EML5: variants seen among roughly 807,000 people sequenced by gnomAD.
EML5 encodes echinoderm microtubule-associated protein-like 5.
A neutral mutation model predicts 250.0 loss-of-function variants in EML5; 120 were observed. The observed-to-expected ratio is 0.48, with a 90% CI of 0.41 to 0.56. EML5 has a LOEUF of 0.56. EML5 is among the 20% of genes least tolerant of loss of function. EML5 has a pLI of 0.00. For synonymous variants in EML5, 771 were observed against 806.5 expected (o/e 0.96, Z 0.75); for missense variants, 2,006 against 2,437.6 (o/e 0.82, Z 3.73).
chr14:88,679,014 A>ATCCTTGGTGC (rs2092659708), intron 21 of EML5, among the ~76,000 whole-genome samples: 4 of 151,766 alleles, frequency 2.6e-5, no homozygotes, highest in Admixed American at 2.0e-4. Flanking sequence ...GGTTGTAGCA[A>ATCCTTGGTGC]TCCTTGGTGC....
At chr14:88,627,173 C>G (rs2090040577) in intron 34 of EML5, 127 bp from the exon 35 acceptor site, 1 of 825,984 alleles carries the variant, frequency 1.2e-6, no homozygotes, top group Middle Eastern at 2.9e-4. Flanking sequence ...GGCCCCTGCT[C>G]TACTACCTAG....
At chr14:88,694,476 C>G (rs983108393) in intron 16 of EML5, 69 bp from the exon 17 acceptor site, 2 of 1,061,476 alleles carry the variant, frequency 1.9e-6, no homozygotes, top group African/African-American at 3.2e-5. Flanking sequence ...TTGCCTAATC[C>G]ATACCCTATC....
intron 9 of EML5, among the ~76,000 whole-genome samples, chr14:88,713,795 T>A (rs751482019): frequency 2.6e-5 from 4 of 151,324 alleles, no homozygotes; most frequent in Non-Finnish European, 5.9e-5. Flanking sequence ...AATTCTGTTT[T>A]TCAAAGTTAG....
chr14:88,618,451 G>A (rs931449331), intron 40 of EML5, 120 bp from the exon 41 acceptor site: 3 of 1,099,880 alleles, frequency 2.7e-6, no homozygotes, highest in Non-Finnish European at 3.9e-6. Context: ...TATTAAGTAT[G>A]CAAAAGATCA....
intron 1 of EML5, among the ~76,000 whole-genome samples, chr14:88,786,378 G>T (rs1212732955): frequency 6.6e-6 from 1 of 152,016 alleles, no homozygotes; most frequent in Non-Finnish European, 1.5e-5. Flanking sequence ...GCTCCATAAG[G>T]GTGGGCAATT....
chr14:88,661,584 C>T (rs1270438689), intron 25 of EML5, 70 bp downstream of exon 25: 7 of 1,349,506 alleles, frequency 5.2e-6, no homozygotes, highest in Admixed American at 4.5e-5. Flanking sequence ...CAATGAAGTG[C>T]TATGACAGGA....
chr14:88,728,902 C>T (rs888903365), intron 7 of EML5, among the ~76,000 whole-genome samples: 1 of 151,908 alleles, frequency 6.6e-6, no homozygotes, highest in Non-Finnish European at 1.5e-5. Context: ...GCATCTACCC[C>T]CAAGACATTA....
chr14:88,731,132 CA>C (rs2093750125), intron 7 of EML5, among the ~76,000 whole-genome samples: 1 of 152,096 alleles, frequency 6.6e-6, no homozygotes, highest in South Asian at 2.1e-4. Context: ...AGGTTTGTCA[CA>C]TATGTATACA....
At position 88,638,848 on chromosome 14, in the gene EML5, G is replaced by A. The variant is rs760109371; in HGVS notation, c.4297C>T (p.His1433Tyr). 106 of 1,598,178 alleles carry A rather than the reference G, an allele frequency of 6.6e-5. No individual in the cohort carries two copies. Among genetic ancestry groups the A allele is most frequent in the Non-Finnish European group, 8.5e-5 (100 of 1,171,956 alleles). Residue 1433 changes from histidine (H) to tyrosine (Y), a missense_variant, in exon 32 of 44, where the codon CAC becomes TAC. By Grantham distance (83) the His-to-Tyr change is moderately conservative. Coordinates refer to ENST00000554922, the MANE Select transcript of EML5 (RefSeq NM_183387.3). Reference protein sequence around the residue: ...DDILCLTVNQHPKFINIVATG... With the variant: ...DDILCLTVNQYPKFINIVATG... ...GCCACTATGTTGATAAATTTGGGGT[G>A]CTGGTTTACTGTGAGGCACAGAATA...
At position 88,620,786 on chromosome 14, in the gene EML5, C is replaced by T; in HGVS notation, c.5343G>A (p.Lys1781=). Reference sequence around the variant, plus strand: ...CATGGATTGCACATCTCCTGTCTCTCTTCTTTCCCCATATTTTTAGAGAAC... The same window carrying T: ...CATGGATTGCACATCTCCTGTCTCTTTTCTTTCCCCATATTTTTAGAGAAC... ...LVSSLKIWGK[K]RDRRCAIHDI... Residue 1781 remains lysine (K), a synonymous_variant, in exon 39 of 44, where the codon AAG becomes AAA. Coordinates refer to ENST00000554922, the MANE Select transcript of EML5 (RefSeq NM_183387.3). The surrounding 1 kb of genome is among the most constrained non-coding windows in gnomAD (Gnocchi z 4.3). 6.2e-7 allele frequency: 1 copy of T among 1,605,014 alleles called. No homozygotes were observed. Among genetic ancestry groups the T allele is most frequent in the Non-Finnish European group, 8.5e-7 (1 of 1,177,188 alleles).
At chr14:88,717,248 A>T (rs1202601124) in intron 8 of EML5, among the ~76,000 whole-genome samples, 2 of 152,184 alleles carry the variant, frequency 1.3e-5, no homozygotes, top group Non-Finnish European at 2.9e-5. Context: ...ACAGTATGTG[A>T]AAGAGCTGAT....
Position 88,618,777 on chromosome 14 carries a change from G to T in EML5, c.5411C>A (p.Ser1804Tyr). ...ATAAAAATCCACTGAGTTCTCACTA[G>T]AACCTACTGCCAGATACCGGGAATC... ...SPDSRYLAVG[S>Y]SENSVDFYDL... The change falls in exon 40 of 44, where the codon TCT (serine) becomes TAT (tyrosine). Residue 1804 changes from serine to tyrosine, a missense_variant. Transcript: ENST00000554922. 2 of 1,598,510 alleles carry T rather than the reference G, an allele frequency of 1.3e-6. No homozygotes were observed. Among genetic ancestry groups the T allele is most frequent in the Non-Finnish European group, 8.5e-7 (1 of 1,171,326 alleles).
At chr14:88,705,632 C>A in intron 11 of EML5, 44 bp from the exon 12 acceptor site, 2 of 1,423,456 alleles carry the variant, frequency 1.4e-6, no homozygotes, top group South Asian at 2.5e-5. Flanking sequence ...AAAGAAGATT[C>A]ATTTTCAAAA....
At chr14:88,767,204 A>G (rs185653654) in intron 1 of EML5, among the ~76,000 whole-genome samples, 185 of 152,264 alleles carry the variant, frequency 1.2e-3, no homozygotes, top group Non-Finnish European at 2.0e-3. Flanking sequence ...TGGGGTCCCA[A>G]TGTTAGTTCA....
chr14:88,701,929 C>T (rs951064413), intron 14 of EML5, among the ~76,000 whole-genome samples: 1 of 152,274 alleles, frequency 6.6e-6, no homozygotes, highest in Non-Finnish European at 1.5e-5. Context: ...ATCATTTCTT[C>T]CCTTCCTTCT....
rs140523203 is a variant in EML5, at chr14:88,773,639, C to T, written c.197+18668G>A. ...ATTAAAAACAGAAACAAACAACAAA[C>T]GATACCTGGACCCCAACCTAAACAA... On this transcript the variant is annotated intron_variant, in intron 1 of 43. Coordinates refer to ENST00000554922, the MANE Select transcript of EML5 (RefSeq NM_183387.3). Among the ~76,000 whole-genome samples, 136 of 152,306 alleles carry T rather than the reference C, an allele frequency of 8.9e-4. 3 individuals carry two copies. The East Asian group carries it at 0.024, about 26-fold the overall frequency.
intron 31 of EML5, among the ~76,000 whole-genome samples, chr14:88,639,545 T>C (rs1156268563): frequency 6.6e-6 from 1 of 152,186 alleles, no homozygotes; most frequent in Non-Finnish European, 1.5e-5. Context: ...TCACATTTTA[T>C]ATTTGTTCTT....
intron 5 of EML5, 34 bp downstream of exon 5, chr14:88,740,353 C>A (rs1157391458): frequency 1.3e-6 from 2 of 1,550,778 alleles, no homozygotes; most frequent in African/African-American, 2.7e-5. Flanking sequence ...AAGTAATACA[C>A]ATGAAAGTGT....
At chr14:88,784,959 T>G (rs557298896) in intron 1 of EML5, among the ~76,000 whole-genome samples, 18 of 152,218 alleles carry the variant, frequency 1.2e-4, no homozygotes, top group Non-Finnish European at 2.2e-4. Flanking sequence ...TATCAACAGA[T>G]GAATGGATAA....
Sources: allele counts gnomAD v4.1 joint callset (sites outside exome capture counted in the v4.1 genomes callset), GRCh38; gene constraint gnomAD v4.1.1; non-coding constraint Gnocchi (gnomAD v3.1); transcripts MANE v1.5; gene names NCBI Gene and HGNC (gene_info 2026-07-23, HGNC 2026-07-21).